CFAP44: variants seen among roughly 807,000 people sequenced by gnomAD.
CFAP44 encodes cilia and flagella associated protein 44.
Under a neutral mutation model 216.2 loss-of-function variants are expected in CFAP44, and 134 were observed. The observed-to-expected ratio is 0.62, with a 90% CI of 0.54 to 0.72. The LOEUF (loss-of-function observed/expected upper bound fraction) is 0.72. Among genes scored for constraint, CFAP44 ranks in the 30% least tolerant of loss-of-function variants. The probability of loss-of-function intolerance (pLI) is 0.00; values close to 1 mark genes in which losing one functional copy is unlikely to be tolerated. For missense variants in CFAP44, 2,035 were observed against 2,182.1 expected, an observed-to-expected ratio of 0.93 and a Z score of 1.34; for synonymous variants, 700 against 727.6, an observed-to-expected ratio of 0.96 and a Z score of 0.61.
At chr3:113,396,794 A>G in intron 13 of CFAP44, 67 bp from the exon 14 acceptor site, 1 of 1,454,104 alleles carries the variant, frequency 6.9e-7, no homozygotes, top group Non-Finnish European at 9.4e-7. Context: ...TATATAACAG[A>G]TATTTTATTT....
chr3:113,350,572 A>G (rs898456161), intron 22 of CFAP44, among the ~76,000 whole-genome samples: 1 of 152,216 alleles, frequency 6.6e-6, no homozygotes, highest in Non-Finnish European at 1.5e-5. Flanking sequence ...TAACACTCCA[A>G]TACCACCTTG....
intron 17 of CFAP44, among the ~76,000 whole-genome samples, chr3:113,378,921 C>CT (rs959258875): frequency 2.0e-5 from 3 of 152,246 alleles, no homozygotes; most frequent in African/African-American, 7.2e-5. Context: ...GAAAGCTATT[C>CT]TTTTCAAAAT....
At chr3:113,369,709 G>A (rs1203289184) in intron 18 of CFAP44, among the ~76,000 whole-genome samples, 1 of 151,900 alleles carries the variant, frequency 6.6e-6, no homozygotes, top group Non-Finnish European at 1.5e-5. Context: ...GCTAGCAGAA[G>A]GCAAGAAATA....
At chr3:113,422,010 G>A (rs1029716382) in intron 4 of CFAP44, among the ~76,000 whole-genome samples, 4 of 151,994 alleles carry the variant, frequency 2.6e-5, no homozygotes, top group African/African-American at 4.8e-5. Context: ...TTAAAAAAGA[G>A]GTATAAAAAT....
chr3:113,344,686 G>A lies in CFAP44; in HGVS notation c.3092C>T (p.Thr1031Ile), dbSNP rs1010047216. The change falls in exon 23 of 35, where the codon ACT becomes ATT. Residue 1031 changes from threonine to isoleucine, a missense_variant. Physicochemically the swap from Thr to Ile is moderately conservative, Grantham distance 89. Coordinates refer to ENST00000393845, the MANE Select transcript of CFAP44 (RefSeq NM_001164496.2). ...NRFRDPLESDTIVVHAILSDH... is the reference protein window; with the variant it reads ...NRFRDPLESDIIVVHAILSDH... ...ACTCAGTATGGCATGAACCACAATA[G>A]TATCACTTTCCAGTGGATCTCGAAA... 4.6e-6 allele frequency: 7 copies of A among 1,512,834 alleles called. No individual in the cohort carries two copies. In the African/African-American group the frequency reaches 7.0e-5, roughly 15 times the overall value. The allele number at this position is 1,512,834 out of a possible 1,614,324, so 93.7% of individuals were successfully genotyped here. A position where few individuals can be genotyped will look rare whatever the true frequency, so the allele number is the denominator to read the frequency against.
chr3:113,371,229 A>G (rs1933151458), intron 18 of CFAP44, among the ~76,000 whole-genome samples: 1 of 152,192 alleles, frequency 6.6e-6, no homozygotes, highest in Non-Finnish European at 1.5e-5. Context: ...GGAAAAAACT[A>G]CTTTAAACTT....
chr3:113,327,935 G>A, intron 26 of CFAP44, 116 bp from the exon 27 acceptor site: 1 of 886,908 alleles, frequency 1.1e-6, no homozygotes, highest in Non-Finnish European at 1.7e-6. Flanking sequence ...TATGGATGGA[G>A]AATTGTGTGT....
intron 28 of CFAP44, among the ~76,000 whole-genome samples, chr3:113,321,283 G>A (rs78995051): frequency 0.063 from 9,512 of 152,162 alleles, 596 homozygotes; most frequent in African/African-American, 0.15. Context: ...TGTGATCATC[G>A]TAATAGACGC....
At chr3:113,412,409 TTTC>T (rs1464042330) in intron 6 of CFAP44, among the ~76,000 whole-genome samples, 1 of 138,906 alleles carries the variant, frequency 7.2e-6, no homozygotes, top group East Asian at 2.0e-4. Flanking sequence ...ATCTCTTTTA[TTTC>T]TTCTAAAAAA....
intron 18 of CFAP44, 31 bp downstream of exon 18, chr3:113,373,379 GT>G (rs761021622): frequency 6.7e-7 from 1 of 1,492,720 alleles, no homozygotes; most frequent in East Asian, 2.5e-5. Flanking sequence ...ACAGGATATG[GT>G]TTTTTTAAAG....
At chr3:113,428,950 T>G (rs374882576) in intron 2 of CFAP44, 2 of 152,180 alleles carry the variant, frequency 1.3e-5, no homozygotes, top group East Asian at 3.9e-4. Context: ...GAGATACTGC[T>G]TCCCGCAAAC....
At chr3:113,338,847 G>A (rs990923221) in intron 24 of CFAP44, among the ~76,000 whole-genome samples, 3 of 152,152 alleles carry the variant, frequency 2.0e-5, no homozygotes, top group Admixed American at 1.3e-4. Context: ...CTAAGAGGGG[G>A]CAAGTGAGGG....
chr3:113,378,252 A>C (rs1319218267), intron 17 of CFAP44, among the ~76,000 whole-genome samples: 2 of 152,182 alleles, frequency 1.3e-5, no homozygotes, highest in African/African-American at 4.8e-5. Context: ...AGACTTCCTG[A>C]AGGCAGGAAC....
chr3:113,439,249 G>C (rs62265973), intron 1 of CFAP44, among the ~76,000 whole-genome samples: 60,377 of 151,512 alleles, frequency 0.4, 12,084 homozygotes, highest in East Asian at 0.55. Flanking sequence ...GGAGTCACCA[G>C]TGTTAAGAAA....
At position 113,291,588 on chromosome 3, in the gene CFAP44, C is replaced by T. The variant is rs115967798; in HGVS notation, c.5534G>A (p.Arg1845Gln). The T allele has an allele frequency of 2.2e-5, 34 of 1,537,222 alleles. No individual in the cohort carries two copies. The African/African-American group carries it at 3.1e-4, about 14-fold the overall frequency. Residue 1845 changes from arginine to glutamine, a missense_variant, in exon 35 of 35, where the codon CGA (arginine) becomes CAA (glutamine). By Grantham distance (43) the Arg-to-Gln change is conservative. Transcript: ENST00000393845. ...SLILPPIQSPREKEIQPADL is the reference protein window; with the variant it reads ...SLILPPIQSPQEKEIQPADL ...GTCTGCGGGCTGTATCTCTTTCTCTCGTGGAGACTGAATGGGTGGGAGGAT... is the reference window on the plus strand; with the variant it reads ...GTCTGCGGGCTGTATCTCTTTCTCTTGTGGAGACTGAATGGGTGGGAGGAT...
chr3:113,439,787 T>C (rs1304987335), intron 1 of CFAP44, among the ~76,000 whole-genome samples: 3 of 152,210 alleles, frequency 2.0e-5, no homozygotes, highest in Non-Finnish European at 4.4e-5. Context: ...ATTACTCTGA[T>C]TCATTCACCA....
chr3:113,327,570 C>T (rs1205323081), intron 27 of CFAP44, 46 bp downstream of exon 27: 11 of 1,481,940 alleles, frequency 7.4e-6, no homozygotes, highest in African/African-American at 2.8e-5. Context: ...CAAGTTTCTC[C>T]ATAACTAAGG....
intron 28 of CFAP44, among the ~76,000 whole-genome samples, chr3:113,312,669 G>C (rs1950051142): frequency 6.6e-6 from 1 of 152,088 alleles, no homozygotes; most frequent in Non-Finnish European, 1.5e-5. Context: ...GAGGGCCCAG[G>C]GTCCCCGTGC....
intron 16 of CFAP44, 72 bp downstream of exon 16, chr3:113,380,827 C>G: frequency 2.3e-6 from 3 of 1,283,430 alleles, no homozygotes; most frequent in Non-Finnish European, 3.1e-6. Context: ...TCCATCAGCA[C>G]TTAACATAGG....
Sources: gnomAD v4.1 joint callset for allele counts (sites outside exome capture counted in the v4.1 genomes callset) on GRCh38, gnomAD v4.1.1 for gene constraint, MANE v1.5 for transcripts, NCBI Gene and HGNC (gene_info 2026-07-23, HGNC 2026-07-21) for gene names.